The following UBR2 variants were observed in gnomAD, a reference collection of about 807,000 sequenced individuals.
UBR2 encodes ubiquitin protein ligase E3 component n-recognin 2.
In UBR2, 92 loss-of-function variants were observed where a neutral mutation model predicts 247.9. That is an observed-to-expected ratio of 0.37 (90% CI 0.31 to 0.44). The LOEUF is 0.44. Ranked by LOEUF, UBR2 falls within the 20% of genes least tolerant of loss-of-function variation. The probability of loss-of-function intolerance (pLI) is 1.00; values close to 1 mark genes in which losing one functional copy is unlikely to be tolerated. For synonymous variants in UBR2, 672 were observed against 693.5 expected (o/e 0.97, Z 0.49); for missense variants, 1,613 against 2,112.6 (o/e 0.76, Z 4.64).
At position 42,615,498 on chromosome 6, in the gene UBR2, A is replaced by G. The variant is rs1794487087; in HGVS notation, c.1093+320A>G. On this transcript the variant is annotated intron_variant, in intron 9 of 46. Transcript: ENST00000372901. ...GATCTCACTCTGTTGCCCAGGCAAC[A>G]GGAGTGCAGTGGCATGATCATTGAT... is the stretch of plus-strand genomic sequence containing the variant. Among the ~76,000 whole-genome samples, 2 of 152,164 alleles carry G rather than the reference A, an allele frequency of 1.3e-5. 1 individual carries two copies. Among genetic ancestry groups the G allele is most frequent in the South Asian group, 4.1e-4 (2 of 4,828 alleles).
chr6:42,681,162 CAAAAAAAAAAA>C (rs59312824), intron 42 of UBR2, among the ~76,000 whole-genome samples: 1 of 50,594 alleles, frequency 2.0e-5, no homozygotes, highest in Non-Finnish European at 4.6e-5. Flanking sequence ...GACTCCGTCT[CAAAAAAAAAAA>C]AAAAAAAAAG....
intron 24 of UBR2, 80 bp from the exon 25 acceptor site, chr6:42,652,411 A>T: frequency 6.9e-7 from 1 of 1,439,954 alleles, no homozygotes; most frequent in Non-Finnish European, 9.4e-7. Context: ...TCTTTGAGTT[A>T]AAACTATCAA....
intron 2 of UBR2, among the ~76,000 whole-genome samples, chr6:42,588,514 A>T (rs1273975221): frequency 6.6e-6 from 1 of 152,144 alleles, no homozygotes; most frequent in Non-Finnish European, 1.5e-5. Context: ...TGCAAAGGAA[A>T]AATAGCCAGG....
intron 21 of UBR2, 26 bp from the exon 22 acceptor site, chr6:42,648,092 A>G: frequency 1.9e-6 from 3 of 1,605,132 alleles, no homozygotes; most frequent in Non-Finnish European, 2.6e-6. Context: ...ATTAACATGA[A>G]ACACACTTGT....
chr6:42,667,525 C>T (rs1294893033), intron 34 of UBR2, among the ~76,000 whole-genome samples: 5 of 141,802 alleles, frequency 3.5e-5, no homozygotes, highest in Non-Finnish European at 7.5e-5. Context: ...ATTATAATAA[C>T]TGTGTTTCTG....
intron 11 of UBR2, chr6:42,620,450 AC>A: frequency 7.9e-6 from 1 of 126,628 alleles, no homozygotes; most frequent in East Asian, 2.3e-4. Flanking sequence ...TATTTTTTCC[AC>A]TCTTGTTTAC....
intron 5 of UBR2, 54 bp from the exon 6 acceptor site, chr6:42,605,667 T>A: frequency 6.5e-7 from 1 of 1,539,028 alleles, no homozygotes; most frequent in Non-Finnish European, 8.8e-7. Context: ...TAAGTCAGCC[T>A]GGAGCAAGAT....
In UBR2 at chr6:42,593,910, A is replaced by G. The variant is rs556014323; in HGVS notation, c.418-281A>G. The stretch of plus-strand genomic sequence containing the variant: ...ACCAATTTAACCAAAACCCAGCAAG[A>G]AAACCCTTGTGATCCTCATGATTTT... On this transcript the variant is annotated intron_variant, in intron 3 of 46. Transcript: ENST00000372901. Among the ~76,000 whole-genome samples, 3 of 152,316 alleles carry G rather than the reference A, an allele frequency of 2.0e-5. No homozygotes were observed. The South Asian group carries it at 6.2e-4, about 32-fold the overall frequency.
intron 11 of UBR2, among the ~76,000 whole-genome samples, chr6:42,629,296 C>T (rs1465798697): frequency 1.3e-5 from 2 of 149,778 alleles, no homozygotes; most frequent in Non-Finnish European, 3.0e-5. Flanking sequence ...AGATTACAGG[C>T]GTGAGCCACT....
chr6:42,578,968 CACAA>C (rs1238115422), intron 2 of UBR2, among the ~76,000 whole-genome samples: 44 of 89,180 alleles, frequency 4.9e-4, no homozygotes, highest in African/African-American at 2.3e-3. Flanking sequence ...AACACACACA[CACAA>C]ACACACACAC....
intron 11 of UBR2, among the ~76,000 whole-genome samples, chr6:42,622,405 GTT>G (rs112798050): frequency 1.4e-5 from 2 of 138,778 alleles, no homozygotes; most frequent in Non-Finnish European, 1.6e-5. Context: ...TTTTTGGTGG[GTT>G]TTTTTTTTTT....
rs1161175922 is a variant in UBR2 at position 42,577,472 on chromosome 6, T to G, written c.338+3479T>G. Among the ~76,000 whole-genome samples the G allele has an allele frequency of 2.0e-5, 3 of 152,232 alleles. No individual in the cohort carries two copies. The East Asian group carries it at 5.8e-4, about 29-fold the overall frequency. On this transcript the variant is annotated intron_variant, in intron 2 of 46. Coordinates refer to ENST00000372901, the MANE Select transcript of UBR2 (RefSeq NM_001363705.2). Reference sequence around the variant, plus strand: ...CGTAGGCAGTAAGCTACTTTTTGTGTACTCTATTAGGAAAAGAGTGGTCAA... The same window carrying G: ...CGTAGGCAGTAAGCTACTTTTTGTGGACTCTATTAGGAAAAGAGTGGTCAA...
intron 32 of UBR2, among the ~76,000 whole-genome samples, chr6:42,665,165 G>A (rs1326378471): frequency 6.6e-6 from 1 of 152,060 alleles, no homozygotes; most frequent in Non-Finnish European, 1.5e-5. Flanking sequence ...AGAAATTCTA[G>A]CAAATTCCAA....
intron 2 of UBR2, among the ~76,000 whole-genome samples, chr6:42,578,215 G>A (rs1470064303): frequency 6.6e-6 from 1 of 151,970 alleles, no homozygotes; most frequent in Non-Finnish European, 1.5e-5. Context: ...TAAGTAGAGG[G>A]TTCTGCTCCA....
intron 11 of UBR2, among the ~76,000 whole-genome samples, chr6:42,620,760 T>TC (rs1387526832): frequency 6.6e-6 from 1 of 151,948 alleles, no homozygotes; most frequent in East Asian, 1.9e-4. Context: ...CAGCCAGGTG[T>TC]CTCTTAATGA....
At chr6:42,617,277 A>T in intron 10 of UBR2, 132 bp from the exon 11 acceptor site, 3 of 1,614,142 alleles carry the variant, frequency 1.9e-6, no homozygotes, top group Non-Finnish European at 2.5e-6. Flanking sequence ...ATGGAGGATG[A>T]TCACGAGCGA....
At chr6:42,638,042 G>GT (rs1402278798) in intron 15 of UBR2, among the ~76,000 whole-genome samples, 1 of 151,936 alleles carries the variant, frequency 6.6e-6, no homozygotes, top group Admixed American at 6.6e-5. Context: ...GTTTTGTTTT[G>GT]TTTTTTTCTG....
intron 32 of UBR2, among the ~76,000 whole-genome samples, chr6:42,664,429 A>G (rs1797997789): frequency 6.6e-6 from 1 of 152,220 alleles, no homozygotes. Flanking sequence ...TCTGAACTTC[A>G]TTTCTCAATG....
chr6:42,596,153 C>T (rs907653608), intron 4 of UBR2, among the ~76,000 whole-genome samples: 1 of 147,238 alleles, frequency 6.8e-6, no homozygotes, highest in Non-Finnish European at 1.5e-5. Context: ...TATCTTACAA[C>T]TCAGCAAGTA....
Sources: allele counts gnomAD v4.1 joint callset (sites outside exome capture counted in the v4.1 genomes callset), GRCh38; gene constraint gnomAD v4.1.1; transcripts MANE v1.5; gene names NCBI Gene and HGNC (gene_info 2026-07-23, HGNC 2026-07-21).